Variants in PRKN observed in about 807,000 individuals in gnomAD.
The protein encoded by PRKN is E3 ubiquitin-protein ligase parkin.
PRKN carries 56 observed loss-of-function variants against 59.5 expected under a neutral mutation model. The observed-to-expected ratio is 0.94, with a 90% CI of 0.76 to 1.18. The LOEUF (loss-of-function observed/expected upper bound fraction) is 1.18, where lower values mean the gene tolerates loss of function less well. Among genes scored for constraint, PRKN ranks in the 50% most tolerant of loss-of-function variants. PRKN has a pLI of 0.00. For missense variants in PRKN, 657 were observed against 596.4 expected (o/e 1.10, Z -1.06); for synonymous variants, 250 against 222.1 (o/e 1.13, Z -1.12).
intron 7 of PRKN, among the ~76,000 whole-genome samples, chr6:161,744,762 A>G (rs1232154063): frequency 6.6e-6 from 1 of 152,330 alleles, no homozygotes; most frequent in African/African-American, 2.4e-5. Flanking sequence ...TAAATGAAAC[A>G]TAAGTTCAAG....
intron 7 of PRKN, among the ~76,000 whole-genome samples, chr6:161,641,637 C>T (rs7775023): frequency 0.7 from 106,764 of 151,738 alleles, 38,846 homozygotes; most frequent in African/African-American, 0.86. Context: ...AATTCCCCAG[C>T]CTTGATAAAT....
At chr6:162,642,165 G>C (rs1777989661) in intron 1 of PRKN, among the ~76,000 whole-genome samples, 1 of 152,142 alleles carries the variant, frequency 6.6e-6, no homozygotes, top group African/African-American at 2.4e-5. Flanking sequence ...CTGGGTGGGA[G>C]ATAACTGAGA....
At chr6:161,732,643 A>G (rs1309767399) in intron 7 of PRKN, among the ~76,000 whole-genome samples, 1 of 152,192 alleles carries the variant, frequency 6.6e-6, no homozygotes, top group Non-Finnish European at 1.5e-5. Flanking sequence ...GAGAACATGC[A>G]ACATTTGGTT....
chr6:162,646,270 G>GTT (rs5881488), intron 1 of PRKN, among the ~76,000 whole-genome samples: 7 of 149,630 alleles, frequency 4.7e-5, no homozygotes, highest in Admixed American at 1.3e-4. Context: ...AAAATACAAA[G>GTT]TTTTTTTTTT....
chr6:162,651,623 C>G (rs1778436495), intron 1 of PRKN, among the ~76,000 whole-genome samples: 1 of 152,094 alleles, frequency 6.6e-6, no homozygotes, highest in Admixed American at 6.6e-5. Flanking sequence ...TTAAGGATCA[C>G]TTTTAGAAAG....
In PRKN at chr6:162,359,079, A is replaced by AATAT. The variant is rs1554304695; in HGVS notation, c.171+84227_171+84230dup. Reference sequence around the variant, plus strand: ...TGTGGCAAAAAAAAAAAAAAAAAAAAATATATATATATATATATGAAATCA... The same window carrying AATAT: ...TGTGGCAAAAAAAAAAAAAAAAAAAAATATATATATATATATATATATGAAATCA... On this transcript the variant is annotated intron_variant, in intron 2 of 11. Transcript: ENST00000366898. Among the ~76,000 whole-genome samples, 457 of 83,192 alleles carry AATAT rather than the reference A, an allele frequency of 5.5e-3. 5 individuals carry two copies. Among genetic ancestry groups the AATAT allele is most frequent in the East Asian group, 6.9e-3 (25 of 3,606 alleles). The allele number at this position is 83,192 out of a possible 152,430, so 54.6% of individuals were successfully genotyped here.
chr6:162,027,214 A>C (rs1582918491), intron 5 of PRKN, among the ~76,000 whole-genome samples: 1 of 152,140 alleles, frequency 6.6e-6, no homozygotes, highest in Admixed American at 6.6e-5. Flanking sequence ...AATTGACTGT[A>C]TTTTTAGTCT....
chr6:162,020,273 A>G (rs1484057377), intron 5 of PRKN, among the ~76,000 whole-genome samples: 1 of 141,852 alleles, frequency 7.0e-6, no homozygotes, highest in African/African-American at 2.5e-5. Context: ...GAATATAGGG[A>G]GAGCTTGGAT....
At chr6:162,102,798 C>T (rs1179661230) in intron 4 of PRKN, among the ~76,000 whole-genome samples, 1 of 144,244 alleles carries the variant, frequency 6.9e-6, no homozygotes. Context: ...AATCCCAGCA[C>T]TTTGGGAGGC....
chr6:161,377,070 G>A lies in PRKN; in HGVS notation c.1167+9724C>T, dbSNP rs1785739962. On this transcript the variant is annotated intron_variant, in intron 10 of 11. Coordinates refer to ENST00000366898, the MANE Select transcript of PRKN (RefSeq NM_004562.3). The surrounding 1 kb of genome is among the most constrained non-coding windows in gnomAD (Gnocchi z 4.2). ...CCTGTCTCTGCGGCTGTGCACGCAG[G>A]CAGACCCTGTGGATTCCAGGTGTCT... Among the ~76,000 whole-genome samples the A allele has an allele frequency of 6.6e-6, 1 of 152,252 alleles. No homozygotes were observed. Among genetic ancestry groups the A allele is most frequent in the South Asian group, 2.1e-4 (1 of 4,832 alleles).
chr6:161,896,096 A>G (rs1777616882), intron 6 of PRKN, among the ~76,000 whole-genome samples: 1 of 152,188 alleles, frequency 6.6e-6, no homozygotes, highest in Non-Finnish European at 1.5e-5. Context: ...ACGGGTGATG[A>G]ATAAATTATG....
At chr6:162,021,118 ACATATATATATAT>A (rs1562465267) in intron 5 of PRKN, among the ~76,000 whole-genome samples, 25 of 32,192 alleles carry the variant, frequency 7.8e-4, no homozygotes, top group African/African-American at 3.1e-3. Flanking sequence ...AAAAACAAAA[ACATATATATATAT>A]ATATATATAT....
chr6:162,607,046 G>C (rs1199652977), intron 1 of PRKN, among the ~76,000 whole-genome samples: 1 of 151,092 alleles, frequency 6.6e-6, no homozygotes, highest in African/African-American at 2.4e-5. Flanking sequence ...ACTGGAAGAA[G>C]ACCCAGCTTG....
chr6:161,607,291 T>A (rs1314393742), intron 7 of PRKN, among the ~76,000 whole-genome samples: 1 of 152,110 alleles, frequency 6.6e-6, no homozygotes, highest in Non-Finnish European at 1.5e-5. Context: ...TTTTTTAAAA[T>A]GCTTTTAAAA....
At chr6:162,431,191 G>GA (rs1789508813) in intron 2 of PRKN, among the ~76,000 whole-genome samples, 1 of 115,676 alleles carries the variant, frequency 8.6e-6, no homozygotes, top group Non-Finnish European at 1.7e-5. Flanking sequence ...AAAAAAAAAA[G>GA]AAAAAAATGG....
At chr6:162,304,510 TCTA>T (rs1782126459) in intron 2 of PRKN, among the ~76,000 whole-genome samples, 1 of 132,856 alleles carries the variant, frequency 7.5e-6, no homozygotes, top group Non-Finnish European at 1.6e-5. Flanking sequence ...TATCTATCTA[TCTA>T]TCTATCTATC....
At chr6:161,504,531 T>TTTATTA (rs1554268633) in intron 9 of PRKN, among the ~76,000 whole-genome samples, 39 of 151,748 alleles carry the variant, frequency 2.6e-4, no homozygotes, top group African/African-American at 8.5e-4. Context: ...AACTTTCTTT[T>TTTATTA]TTATTATTAT....
chr6:162,500,195 C>CAA (rs1793300277), intron 1 of PRKN, among the ~76,000 whole-genome samples: 1 of 143,340 alleles, frequency 7.0e-6, no homozygotes, highest in Non-Finnish European at 1.5e-5. Context: ...TTTTTGGTGA[C>CAA]AGAGTTTCAC....
intron 1 of PRKN, among the ~76,000 whole-genome samples, chr6:162,690,570 G>T (rs1777737272): frequency 6.6e-6 from 1 of 152,122 alleles, no homozygotes; most frequent in Non-Finnish European, 1.5e-5. Flanking sequence ...CAAAGCAGAG[G>T]AGTTTCAGGG....
Sources: allele counts gnomAD v4.1 joint callset (sites outside exome capture counted in the v4.1 genomes callset), GRCh38; gene constraint gnomAD v4.1.1; non-coding constraint Gnocchi (gnomAD v3.1); transcripts MANE v1.5; gene names NCBI Gene and HGNC (gene_info 2026-07-23, HGNC 2026-07-21).